Variants in ULK4 observed in about 807,000 individuals in gnomAD.
ULK4 encodes the protein inactive serine/threonine-protein kinase ULK4.
ULK4 carries 133 observed loss-of-function variants against 160.6 expected under a neutral mutation model. The observed-to-expected ratio is 0.83, with a 90% CI of 0.72 to 0.96. The LOEUF (loss-of-function observed/expected upper bound fraction) is 0.96, where lower values mean the gene tolerates loss of function less well. Among genes scored for constraint, ULK4 ranks in the 40% least tolerant of loss-of-function variants. The probability of loss-of-function intolerance (pLI) is 0.00; values close to 1 mark genes in which losing one functional copy is unlikely to be tolerated. For synonymous variants in ULK4, 534 were observed against 539.8 expected (o/e 0.99, Z 0.15); for missense variants, 1,580 against 1,499.5 (o/e 1.05, Z -0.89).
At chr3:41,789,077 A>G (rs1256777292) in intron 21 of ULK4, among the ~76,000 whole-genome samples, 1 of 152,186 alleles carries the variant, frequency 6.6e-6, no homozygotes, top group African/African-American at 2.4e-5. Context: ...TCACTCTTTA[A>G]CAAGGGACTA....
chr3:41,810,218 T>A (rs2040779102), intron 19 of ULK4, among the ~76,000 whole-genome samples: 2 of 152,220 alleles, frequency 1.3e-5, no homozygotes, highest in Admixed American at 1.3e-4. Flanking sequence ...GTTTTGTAAT[T>A]TCATTTGTTT....
At chr3:41,842,444 T>A (rs893533743) in intron 17 of ULK4, among the ~76,000 whole-genome samples, 3 of 152,226 alleles carry the variant, frequency 2.0e-5, no homozygotes, top group Non-Finnish European at 4.4e-5. Flanking sequence ...TGAAATCTGA[T>A]CCCCAGTGTT....
At chr3:41,402,612 T>C (rs1254898140) in intron 34 of ULK4, among the ~76,000 whole-genome samples, 1 of 152,222 alleles carries the variant, frequency 6.6e-6, no homozygotes, top group East Asian at 1.9e-4. Flanking sequence ...TCAATCCATA[T>C]GATCGTGTAA....
chr3:41,881,278 A>G (rs1479426130), intron 17 of ULK4, among the ~76,000 whole-genome samples: 1 of 89,374 alleles, frequency 1.1e-5, no homozygotes, highest in Non-Finnish European at 2.5e-5. Context: ...CTGTAGCAGA[A>G]ACTTCTAAAA....
At chr3:41,728,002 A>T (rs1013372774) in intron 22 of ULK4, among the ~76,000 whole-genome samples, 1 of 152,242 alleles carries the variant, frequency 6.6e-6, no homozygotes, top group Non-Finnish European at 1.5e-5. Flanking sequence ...GGAATAACAG[A>T]GCCACCATTT....
intron 35 of ULK4, among the ~76,000 whole-genome samples, chr3:41,349,259 C>T (rs2080864586): frequency 6.6e-6 from 1 of 152,196 alleles, no homozygotes; most frequent in African/African-American, 2.4e-5. Context: ...CCATTCATAT[C>T]TCATATAACT....
At position 41,489,288 on chromosome 3, in the gene ULK4, A is replaced by G. The variant is rs181375886; in HGVS notation, c.3227-26035T>C. Among the ~76,000 whole-genome samples, 157 of 152,320 alleles carry G rather than the reference A, an allele frequency of 1.0e-3. 1 individual carries two copies. The highest frequency in any genetic ancestry group is 3.7e-3 in the African/African-American group (155 of 41,572). On this transcript the variant is annotated intron_variant, in intron 32 of 36. Coordinates refer to ENST00000301831, the MANE Select transcript of ULK4 (RefSeq NM_017886.4). ...CAAACACTTCAGCATTAGATCATCT[A>G]TTCTCTGCACTGGCTTATTTCTCAC... is the stretch of plus-strand genomic sequence containing the variant.
At chr3:41,300,838 T>TG (rs2079775430) in intron 35 of ULK4, among the ~76,000 whole-genome samples, 6 of 9,776 alleles carry the variant, frequency 6.1e-4, no homozygotes, top group Non-Finnish European at 1.4e-3. Flanking sequence ...TTTTACAGAT[T>TG]ATATATATAT....
Position 41,608,421 on chromosome 3 carries a change from G to T in ULK4, c.3120+7248C>A, listed in dbSNP as rs1406701040. ...TCTCAAAAAGTGGGTAATCTCAGTT[G>T]TTTCTGTTCATGAATAAACTTTATA... On this transcript the variant is annotated intron_variant, in intron 31 of 36. Coordinates refer to ENST00000301831, the MANE Select transcript of ULK4 (RefSeq NM_017886.4). 2.8e-4 allele frequency among the ~76,000 whole-genome samples: 42 copies of T among 152,154 alleles called. 1 individual carries two copies. Among genetic ancestry groups the T allele is most frequent in the Admixed American group, 2.8e-3 (42 of 15,258 alleles).
At chr3:41,712,405 G>C (rs1351234905) in intron 25 of ULK4, among the ~76,000 whole-genome samples, 1 of 152,304 alleles carries the variant, frequency 6.6e-6, no homozygotes, top group East Asian at 1.9e-4. Context: ...CTCAGGGGAA[G>C]CCAAGAAGTT....
intron 35 of ULK4, among the ~76,000 whole-genome samples, chr3:41,368,117 G>A (rs753657936): frequency 4.0e-5 from 6 of 151,206 alleles, no homozygotes; most frequent in South Asian, 2.1e-4. Context: ...GTGCGATCTC[G>A]GTTCACTGCA....
rs148318510 is a variant in ULK4, at chr3:41,288,675, C to G, written c.3679-39101G>C. On this transcript the variant is annotated intron_variant, in intron 35 of 36. Transcript: ENST00000301831. ...TTACTCACTGATCAAACCAATCTGACTTAGTGTTTTTGTTATTTGCTGATA... is the reference window on the plus strand; with the variant it reads ...TTACTCACTGATCAAACCAATCTGAGTTAGTGTTTTTGTTATTTGCTGATA... Among the ~76,000 whole-genome samples the G allele has an allele frequency of 2.6e-3, 394 of 152,312 alleles. 2 individuals are homozygous for G. Among genetic ancestry groups the G allele is most frequent in the Non-Finnish European group, 3.7e-3 (250 of 68,028 alleles).
chr3:41,643,423 T>G (rs2034328349), intron 30 of ULK4, among the ~76,000 whole-genome samples: 1 of 152,246 alleles, frequency 6.6e-6, no homozygotes. Flanking sequence ...TAGCCAGTTT[T>G]CCCAGCACCA....
chr3:41,543,556 G>C (rs188353990), intron 32 of ULK4, among the ~76,000 whole-genome samples: 135 of 152,294 alleles, frequency 8.9e-4, no homozygotes, highest in African/African-American at 3.2e-3. Context: ...CCTGCTTGTA[G>C]TCACATCCTT....
At chr3:41,311,999 G>C (rs1483364043) in intron 35 of ULK4, among the ~76,000 whole-genome samples, 1 of 126,318 alleles carries the variant, frequency 7.9e-6, no homozygotes, top group East Asian at 2.8e-4. Context: ...TTAGCAGTGG[G>C]TTCTTACTCT....
At chr3:41,737,036 T>G (rs1262281204) in intron 22 of ULK4, among the ~76,000 whole-genome samples, 5 of 151,948 alleles carry the variant, frequency 3.3e-5, no homozygotes, top group Non-Finnish European at 7.3e-5. Flanking sequence ...GGCTCTGTTC[T>G]GTTCCATTGG....
At chr3:41,459,151 AAAT>A (rs1165784681) in intron 33 of ULK4, among the ~76,000 whole-genome samples, 1 of 152,182 alleles carries the variant, frequency 6.6e-6, no homozygotes, top group Non-Finnish European at 1.5e-5. Flanking sequence ...TCCCAGGTTC[AAAT>A]GATTCTCCTG....
At chr3:41,922,543 C>T (rs1375697553) in intron 5 of ULK4, among the ~76,000 whole-genome samples, 1 of 145,142 alleles carries the variant, frequency 6.9e-6, no homozygotes, top group Admixed American at 7.4e-5. Flanking sequence ...TGAGCAGCTA[C>T]ACAACAAGTG....
In ULK4 at chr3:41,566,091, C is replaced by A. The variant is rs1328628570; in HGVS notation, c.3160G>T (p.Val1054Leu). 1.2e-5 allele frequency: 19 copies of A among 1,613,796 alleles called. No homozygotes were observed. The highest frequency in any genetic ancestry group is 1.6e-5 in the Non-Finnish European group (19 of 1,179,938). ...ESILGNTMQSVIALLSNLVAC... is the reference protein window; with the variant it reads ...ESILGNTMQSLIALLSNLVAC... ...ACTAGATTGCTGAGTAATGCAATCACACTTTGCATGGTATTACCCAGAATG... is the reference window on the plus strand; with the variant it reads ...ACTAGATTGCTGAGTAATGCAATCAAACTTTGCATGGTATTACCCAGAATG... Residue 1054 changes from valine (V) to leucine (L), a missense_variant, in exon 32 of 37, where the codon GTG becomes TTG. Val to Leu is a conservative substitution (Grantham distance 32). Transcript: ENST00000301831.
Sources: gnomAD v4.1 joint callset for allele counts (sites outside exome capture counted in the v4.1 genomes callset) on GRCh38, gnomAD v4.1.1 for gene constraint, MANE v1.5 for transcripts, NCBI Gene and HGNC (gene_info 2026-07-23, HGNC 2026-07-21) for gene names.